PACS1: variants seen among roughly 807,000 people sequenced by gnomAD.
PACS1 encodes PACS-1.
PACS1 carries 24 observed loss-of-function variants against 115.0 expected under a neutral mutation model. That is an observed-to-expected ratio of 0.21 (90% confidence interval 0.15 to 0.29). The LOEUF (loss-of-function observed/expected upper bound fraction) is 0.29, where lower values mean the gene tolerates loss of function less well. PACS1 is among the 10% of genes least tolerant of loss of function. The pLI is 1.00. For synonymous variants in PACS1, 453 were observed against 504.5 expected (o/e 0.90, Z 1.37); for missense variants, 838 against 1,251.2 (o/e 0.67, Z 4.98).
intron 1 of PACS1, among the ~76,000 whole-genome samples, chr11:66,157,923 C>T (rs1363112951): frequency 1.3e-5 from 2 of 151,886 alleles, no homozygotes; most frequent in Admixed American, 6.6e-5. Context: ...AGGAAGCAAG[C>T]GGTGCTTATC....
intron 1 of PACS1, among the ~76,000 whole-genome samples, chr11:66,146,674 G>C (rs1226736925): frequency 2.0e-5 from 3 of 152,196 alleles, no homozygotes; most frequent in Admixed American, 6.5e-5. Context: ...TGAAAATCAT[G>C]AATCTATGAA....
intron 8 of PACS1, among the ~76,000 whole-genome samples, chr11:66,220,025 C>T (rs1368626707): frequency 6.6e-6 from 1 of 152,070 alleles, no homozygotes; most frequent in Non-Finnish European, 1.5e-5. Context: ...CAGGGCAGCA[C>T]AGCTACGCCC....
chr11:66,219,897 G>C lies in PACS1; in HGVS notation c.1038+92G>C, dbSNP rs536689189. 2.8e-4 allele frequency: 264 copies of C among 931,194 alleles called. No individual in the cohort carries two copies. The East Asian group carries it at 6.3e-3, about 22-fold the overall frequency. The allele number at this position is 931,194 out of a possible 1,614,324, so 57.7% of individuals were successfully genotyped here. On this transcript the variant is annotated intron_variant, in intron 8 of 23. Transcript: ENST00000320580. ...AGTACACTCTGTATTGCCACTGAGA[G>C]TCAGGATTCTAGGATTAATATTCCT... is the stretch of plus-strand genomic sequence containing the variant.
intron 1 of PACS1, among the ~76,000 whole-genome samples, chr11:66,088,631 C>T (rs1019134425): frequency 1.5e-4 from 23 of 152,164 alleles, no homozygotes; most frequent in African/African-American, 7.2e-5. Context: ...GCATCAATGC[C>T]GCCCTGTCTC....
intron 1 of PACS1, among the ~76,000 whole-genome samples, chr11:66,076,693 T>C (rs755312261): frequency 9.9e-5 from 15 of 152,230 alleles, no homozygotes; most frequent in Non-Finnish European, 2.1e-4. Flanking sequence ...GTGCCTGGAC[T>C]GGCCTGGACT....
In PACS1 at chr11:66,190,417, T is replaced by TTTTG. The variant is rs536334041; in HGVS notation, c.357-3049_357-3046dup. On this transcript the variant is annotated intron_variant, in intron 1 of 23. Coordinates refer to ENST00000320580, the MANE Select transcript of PACS1 (RefSeq NM_018026.4). ...AATGTACGTAGTTAACTACATTTGT[T>TTTTG]TTTGTTTGTTTGTTTGTTTGTTTTT... is the stretch of plus-strand genomic sequence containing the variant. 2.2e-4 allele frequency among the ~76,000 whole-genome samples: 34 copies of TTTTG among 152,234 alleles called. No individual in the cohort carries two copies. The South Asian group carries it at 3.7e-3, about 17-fold the overall frequency.
intron 1 of PACS1, among the ~76,000 whole-genome samples, chr11:66,188,591 A>G (rs1027283921): frequency 6.6e-6 from 1 of 152,202 alleles, no homozygotes; most frequent in Non-Finnish European, 1.5e-5. Flanking sequence ...CAGGAGTGTC[A>G]TCAGGGAAAG....
chr11:66,177,671 T>C (rs546808261), intron 1 of PACS1, among the ~76,000 whole-genome samples: 85 of 152,154 alleles, frequency 5.6e-4, no homozygotes, highest in African/African-American at 2.0e-3. Context: ...ACTGTAATGG[T>C]GCGATCATAG....
At chr11:66,079,825 C>T (rs1857453448) in intron 1 of PACS1, among the ~76,000 whole-genome samples, 1 of 152,196 alleles carries the variant, frequency 6.6e-6, no homozygotes, top group Admixed American at 6.5e-5. Context: ...CGATGCAGCC[C>T]CTTCCCATGT....
intron 4 of PACS1, among the ~76,000 whole-genome samples, chr11:66,211,493 A>C (rs1466995108): frequency 1.3e-5 from 2 of 152,274 alleles, no homozygotes; most frequent in African/African-American, 4.8e-5. Context: ...AAAAAATTAC[A>C]TAAAATTTCA....
chr11:66,235,767 G>A lies in PACS1; in HGVS notation c.2208-131G>A, dbSNP rs1855692675. On this transcript the variant is annotated intron_variant, in intron 18 of 23. Transcript: ENST00000320580. This position sits in a 1 kb window ranked among gnomAD's most constrained non-coding sequence, Gnocchi z 5.6. ...CCAGACCTTCCCCATGCCACCCCAG[G>A]ATGTGATGGGCAGAGGCAGCCCAGC... 2.3e-5 allele frequency: 19 copies of A among 816,524 alleles called. No individual in the cohort carries two copies. The South Asian group carries it at 2.4e-4, about 10-fold the overall frequency. 50.6% of individuals were successfully genotyped at this position (816,524 alleles called of 1,614,324 possible).
intron 19 of PACS1, chr11:66,238,268 C>T: frequency 2.0e-6 from 2 of 985,038 alleles, no homozygotes; most frequent in South Asian, 9.4e-5. Flanking sequence ...GACTCTCCCA[C>T]CTGGCAGAGA....
intron 1 of PACS1, among the ~76,000 whole-genome samples, chr11:66,176,454 C>T (rs976974050): frequency 2.0e-5 from 3 of 146,526 alleles, no homozygotes; most frequent in African/African-American, 7.6e-5. Flanking sequence ...ACTCTTGTTG[C>T]CCAAGCTGGA....
At chr11:66,095,755 G>T (rs1275106841) in intron 1 of PACS1, among the ~76,000 whole-genome samples, 1 of 152,112 alleles carries the variant, frequency 6.6e-6, no homozygotes, top group East Asian at 1.9e-4. Context: ...ACCACGCCCG[G>T]CCTCATTATT....
At chr11:66,121,099 ATG>A (rs1284844098) in intron 1 of PACS1, 4 of 455,858 alleles carry the variant, frequency 8.8e-6, no homozygotes, top group Admixed American at 4.7e-5. Flanking sequence ...TTCTAATAGC[ATG>A]TGCTTACTTT....
intron 10 of PACS1, among the ~76,000 whole-genome samples, chr11:66,222,747 G>T (rs1226170419): frequency 1.3e-5 from 2 of 152,150 alleles, no homozygotes; most frequent in Non-Finnish European, 2.9e-5. Flanking sequence ...AAACAGGAGA[G>T]GCCTCTACCG....
chr11:66,155,564 A>G (rs1212998115), intron 1 of PACS1, among the ~76,000 whole-genome samples: 2 of 152,140 alleles, frequency 1.3e-5, no homozygotes, highest in African/African-American at 4.8e-5. Context: ...CCCTCTACGT[A>G]TGGCTAAAAT....
chr11:66,079,961 A>G (rs1459791670), intron 1 of PACS1, among the ~76,000 whole-genome samples: 2 of 152,148 alleles, frequency 1.3e-5, no homozygotes, highest in Non-Finnish European at 2.9e-5. Context: ...CGCTGAGACT[A>G]GCTCCTGGGT....
At chr11:66,173,406 A>G (rs1859784006) in intron 1 of PACS1, among the ~76,000 whole-genome samples, 1 of 152,188 alleles carries the variant, frequency 6.6e-6, no homozygotes, top group Non-Finnish European at 1.5e-5. Flanking sequence ...TATCTAGACT[A>G]TGTAAAAAAC....
Sources: allele counts gnomAD v4.1 joint callset (sites outside exome capture counted in the v4.1 genomes callset), GRCh38; gene constraint gnomAD v4.1.1; non-coding constraint Gnocchi (gnomAD v3.1); transcripts MANE v1.5; gene names NCBI Gene and HGNC (gene_info 2026-07-23, HGNC 2026-07-21).